GOLGA5: variants seen among roughly 807,000 people sequenced by gnomAD.
GOLGA5 encodes golgin A5.
A neutral mutation model predicts 93.5 loss-of-function variants in GOLGA5; 50 were observed. The observed-to-expected ratio is 0.53, with a 90% CI of 0.43 to 0.68. The LOEUF (loss-of-function observed/expected upper bound fraction) is 0.68, where lower values mean the gene tolerates loss of function less well. Ranked by LOEUF, GOLGA5 falls within the 30% of genes least tolerant of loss-of-function variation. GOLGA5 has a pLI of 0.00. For synonymous variants in GOLGA5, 312 were observed against 304.5 expected (o/e 1.02, Z -0.26); for missense variants, 760 against 856.4 (o/e 0.89, Z 1.40).
intron 2 of GOLGA5, among the ~76,000 whole-genome samples, chr14:92,805,139 A>G (rs991465771): frequency 2.6e-5 from 4 of 152,114 alleles, no homozygotes; most frequent in African/African-American, 9.7e-5. Context: ...TTGCCCCAGA[A>G]AGTTCCTCAT....
chr14:92,834,715 A>G (rs942682661), intron 10 of GOLGA5, among the ~76,000 whole-genome samples: 1 of 152,208 alleles, frequency 6.6e-6, no homozygotes, highest in Non-Finnish European at 1.5e-5. Flanking sequence ...TGAATGAGGT[A>G]GGAAGCCATT....
At chr14:92,837,169 A>G (rs1885659583) in intron 11 of GOLGA5, among the ~76,000 whole-genome samples, 1 of 152,240 alleles carries the variant, frequency 6.6e-6, no homozygotes, top group South Asian at 2.1e-4. Flanking sequence ...CAAGCCCCAA[A>G]TAATGATAAA....
intron 7 of GOLGA5, among the ~76,000 whole-genome samples, chr14:92,817,413 C>G (rs1022877861): frequency 6.6e-6 from 1 of 152,126 alleles, no homozygotes; most frequent in African/African-American, 2.4e-5. Context: ...ATTTGAGCTC[C>G]TATGTGAAGC....
At chr14:92,810,940 G>A (rs1391211199) in intron 5 of GOLGA5, among the ~76,000 whole-genome samples, 1 of 152,220 alleles carries the variant, frequency 6.6e-6, no homozygotes, top group Non-Finnish European at 1.5e-5. Flanking sequence ...TGTATCTAAT[G>A]AGCAGTCAGG....
intron 1 of GOLGA5, 86 bp from the exon 2 acceptor site, chr14:92,797,322 G>C (rs1884756084): frequency 1.4e-6 from 1 of 739,098 alleles, no homozygotes; most frequent in African/African-American, 1.8e-5. Context: ...TTTCAACCCA[G>C]GATTGCCTGA....
intron 10 of GOLGA5, 145 bp from the exon 11 acceptor site, chr14:92,835,414 T>C (rs983055704): frequency 2.1e-6 from 1 of 477,954 alleles, no homozygotes; most frequent in Non-Finnish European, 3.7e-6. Context: ...ACCTGTCCTT[T>C]CTTTATAGTT....
Position 92,810,351 on chromosome 14 carries a change from G to T in GOLGA5, c.1090G>T (p.Glu364Ter). 1.2e-6 allele frequency: 2 copies of T among 1,606,070 alleles called. No individual in the cohort carries two copies. Among genetic ancestry groups the T allele is most frequent in the South Asian group, 2.2e-5 (2 of 89,308 alleles). Residue 364 changes from glutamate to a stop codon, truncating the protein, a stop_gained, in exon 5 of 13, where the codon GAG becomes TAG. Coordinates refer to ENST00000163416, the MANE Select transcript of GOLGA5 (RefSeq NM_005113.4). LOFTEE classifies it high-confidence loss of function. ...LHEADATLKREQESYKQMQSE... is the reference protein window; with the variant it reads ...LHEADATLKR Reference sequence around the variant, plus strand: ...TGAAGCGGATGCCACTCTGAAGAGAGAGCAGGAGAGCTATAAACAGATGCA... The same window carrying T: ...TGAAGCGGATGCCACTCTGAAGAGATAGCAGGAGAGCTATAAACAGATGCA...
intron 6 of GOLGA5, among the ~76,000 whole-genome samples, chr14:92,814,276 G>A (rs1206864650): frequency 1.3e-5 from 2 of 152,132 alleles, no homozygotes; most frequent in Non-Finnish European, 2.9e-5. Context: ...ATACTGAGAA[G>A]GTGAGTGGTC....
At position 92,839,604 on chromosome 14, in the gene GOLGA5, C is replaced by A. The variant is rs988431545; in HGVS notation, c.*158C>A. 3.3e-5 allele frequency: 20 copies of A among 601,482 alleles called. No homozygotes were observed. The highest frequency in any genetic ancestry group is 5.9e-5 in the Admixed American group (2 of 33,780). The allele number at this position is 601,482 out of a possible 1,614,324, so 37.3% of individuals were successfully genotyped here. A position where few individuals can be genotyped will look rare whatever the true frequency, so the allele number is the denominator to read the frequency against. ...TATTGTACAAGTATTCTACCTAAATCTTCCAATTTCCTTTAAATGGTAAGA... is the reference window on the plus strand; with the variant it reads ...TATTGTACAAGTATTCTACCTAAATATTCCAATTTCCTTTAAATGGTAAGA... On this transcript the variant is annotated 3_prime_UTR_variant, in exon 13 of 13. Transcript: ENST00000163416.
intron 3 of GOLGA5, among the ~76,000 whole-genome samples, 155 bp downstream of exon 3, chr14:92,807,118 G>C (rs1340365393): frequency 1.3e-5 from 2 of 152,100 alleles, no homozygotes; most frequent in Non-Finnish European, 2.9e-5. Flanking sequence ...TGGCCAACAT[G>C]GTGAAACCCT....
intron 2 of GOLGA5, among the ~76,000 whole-genome samples, chr14:92,804,425 T>C (rs1235292917): frequency 6.6e-6 from 1 of 151,872 alleles, no homozygotes; most frequent in African/African-American, 2.4e-5. Context: ...AAATAGAACG[T>C]AATGACCTCC....
chr14:92,816,284 G>T lies in GOLGA5; in HGVS notation c.1354G>T (p.Gly452Cys). The T allele has an allele frequency of 6.2e-7, 1 of 1,613,514 alleles. No individual in the cohort carries two copies. Among genetic ancestry groups the T allele is most frequent in the South Asian group, 1.1e-5 (1 of 90,992 alleles). ...KEKLINSLKE[G>C]SGFEGLDSST... ...AAAATTGATTAACAGCTTGAAAGAA[G>T]GCTCTGGTTTTGAAGGCCTAGATAG... The change falls in exon 7 of 13, where the codon GGC becomes TGC. Residue 452 changes from glycine (G) to cysteine (C), a missense_variant. Coordinates refer to ENST00000163416, the MANE Select transcript of GOLGA5 (RefSeq NM_005113.4).
chr14:92,799,443 A>ATT (rs386382181), intron 2 of GOLGA5, among the ~76,000 whole-genome samples: 90,519 of 130,938 alleles, frequency 0.69, 31,695 homozygotes, highest in East Asian at 0.8. Context: ...CGCCTGGCTA[A>ATT]TTTTTTTTTT....
chr14:92,826,697 C>CAAAAAAAAA (rs200131503), intron 9 of GOLGA5, among the ~76,000 whole-genome samples: 1 of 101,042 alleles, frequency 9.9e-6, no homozygotes. Flanking sequence ...GACTCTATCT[C>CAAAAAAAAA]AAAAAAAAAA....
intron 9 of GOLGA5, among the ~76,000 whole-genome samples, chr14:92,827,354 A>G (rs1885444801): frequency 6.6e-6 from 1 of 152,198 alleles, no homozygotes; most frequent in South Asian, 2.1e-4. Context: ...CTGATTTTTT[A>G]ATTATATCTG....
At chr14:92,822,684 T>C (rs2140328472) in intron 8 of GOLGA5, among the ~76,000 whole-genome samples, 1 of 152,258 alleles carries the variant, frequency 6.6e-6, no homozygotes, top group Admixed American at 6.5e-5. Flanking sequence ...TGAGACGGAG[T>C]GTCGCTCTGT....
intron 12 of GOLGA5, among the ~76,000 whole-genome samples, chr14:92,838,617 C>T (rs1031124965): frequency 6.6e-5 from 10 of 152,130 alleles, no homozygotes; most frequent in African/African-American, 1.9e-4. Flanking sequence ...CCGCCCTCTT[C>T]GGCCTCCCAA....
chr14:92,812,904 C>T (rs1185113418), intron 6 of GOLGA5, among the ~76,000 whole-genome samples: 8 of 152,118 alleles, frequency 5.3e-5, no homozygotes, highest in Non-Finnish European at 1.0e-4. Context: ...TTCTAATAGC[C>T]GCCTGCATAT....
At chr14:92,809,599 T>C in intron 4 of GOLGA5, 80 bp downstream of exon 4, 1 of 829,532 alleles carries the variant, frequency 1.2e-6, no homozygotes, top group East Asian at 2.7e-5. Flanking sequence ...AAACTTAGCT[T>C]TCTTGGAAAT....
Sources: gnomAD v4.1 joint callset for allele counts (sites outside exome capture counted in the v4.1 genomes callset) on GRCh38, gnomAD v4.1.1 for gene constraint, MANE v1.5 for transcripts, NCBI Gene and HGNC (gene_info 2026-07-23, HGNC 2026-07-21) for gene names.